Variants in YBX1 observed in about 807,000 individuals in gnomAD.
YBX1 encodes the protein Y-box-binding protein 1.
YBX1 carries 3 observed loss-of-function variants against 41.4 expected under a neutral mutation model. The ratio of observed to expected loss-of-function variants is 0.07; its 90% confidence interval spans 0.03 to 0.19. The LOEUF is 0.19. YBX1 is among the 10% of genes least tolerant of loss of function. The pLI, the probability that YBX1 is intolerant of heterozygous loss-of-function variation, is 1.00. For synonymous variants in YBX1, 133 were observed against 165.8 expected (o/e 0.80, Z 1.52); for missense variants, 274 against 462.8 (o/e 0.59, Z 3.74).
At chr1:42,688,026 G>A (rs1349220456) in intron 2 of YBX1, among the ~76,000 whole-genome samples, 3 of 152,108 alleles carry the variant, frequency 2.0e-5, no homozygotes, top group South Asian at 4.2e-4. Context: ...TTGTATGCTG[G>A]TTATATTAAC....
chr1:42,695,229 G>T (rs556276414), intron 3 of YBX1, among the ~76,000 whole-genome samples: 1 of 152,276 alleles, frequency 6.6e-6, no homozygotes, highest in South Asian at 2.1e-4. Context: ...GTTCTGGGCA[G>T]CTTCACTTAA....
chr1:42,686,251 G>C (rs1459053151), intron 2 of YBX1, among the ~76,000 whole-genome samples: 1 of 152,114 alleles, frequency 6.6e-6, no homozygotes, highest in Non-Finnish European at 1.5e-5. Context: ...TTGGAGCAGA[G>C]GTCACAAATT....
chr1:42,687,770 G>T, intron 2 of YBX1, among the ~76,000 whole-genome samples: 1 of 152,118 alleles, frequency 6.6e-6, no homozygotes, highest in East Asian at 1.9e-4. Flanking sequence ...CCTTTGGAAG[G>T]ATGTCATTAC....
At position 42,702,890 on chromosome 1, in the gene YBX1, T is replaced by C. The variant is rs924961407; in HGVS notation, c.*941T>C. On this transcript the variant is annotated 3_prime_UTR_variant, in exon 8 of 8. Coordinates refer to ENST00000321358, the MANE Select transcript of YBX1 (RefSeq NM_004559.5). ...ATGGAGGTTGGTGAGCTTGTAATTATGTGGTTCTCAACACCTTAAATCCTA... is the reference window on the plus strand; with the variant it reads ...ATGGAGGTTGGTGAGCTTGTAATTACGTGGTTCTCAACACCTTAAATCCTA... 1.3e-5 allele frequency among the ~76,000 whole-genome samples: 2 copies of C among 152,204 alleles called. No individual in the cohort carries two copies. Among genetic ancestry groups the C allele is most frequent in the African/African-American group, 4.8e-5 (2 of 41,460 alleles).
chr1:42,684,397 TCA>T (rs1189827322), intron 2 of YBX1, among the ~76,000 whole-genome samples: 1 of 152,254 alleles, frequency 6.6e-6, no homozygotes, highest in African/African-American at 2.4e-5. Flanking sequence ...AATCTTGGCC[TCA>T]CAGGTATGGT....
At chr1:42,701,409 T>A (rs1650597025) in intron 7 of YBX1, among the ~76,000 whole-genome samples, 1 of 152,162 alleles carries the variant, frequency 6.6e-6, no homozygotes. Flanking sequence ...ACATTATTAT[T>A]TATGCATTAT....
Position 42,683,243 on chromosome 1 carries a change from G to T in YBX1, c.167-160G>T, listed in dbSNP as rs1038754592. 7 of 817,080 alleles carry T rather than the reference G, an allele frequency of 8.6e-6. No homozygotes were observed. The African/African-American group carries it at 1.0e-4, about 12-fold the overall frequency. 50.6% of individuals were successfully genotyped at this position (817,080 alleles called of 1,614,324 possible). A position where few individuals can be genotyped will look rare whatever the true frequency, so the allele number is the denominator to read the frequency against. Reference sequence around the variant, plus strand: ...CTTCAGACTCACCCACGTGTGCGGCGGCGGCGGCGACTGCGTGGCCCCGCA... The same window carrying T: ...CTTCAGACTCACCCACGTGTGCGGCTGCGGCGGCGACTGCGTGGCCCCGCA... On this transcript the variant is annotated intron_variant, in intron 1 of 7. Coordinates refer to ENST00000321358, the MANE Select transcript of YBX1 (RefSeq NM_004559.5).
intron 7 of YBX1, among the ~76,000 whole-genome samples, chr1:42,701,608 G>A (rs778610958): frequency 6.6e-6 from 1 of 151,708 alleles, no homozygotes; most frequent in Non-Finnish European, 1.5e-5. Flanking sequence ...AGAATGACAC[G>A]TGGTTTATCA....
chr1:42,682,570 G>C lies in YBX1; in HGVS notation c.5G>C (p.Ser2Thr). 1.4e-6 allele frequency: 2 copies of C among 1,462,184 alleles called. No homozygotes were observed. Among genetic ancestry groups the C allele is most frequent in the Non-Finnish European group, 1.8e-6 (2 of 1,111,804 alleles). The allele number at this position is 1,462,184 out of a possible 1,614,324, so 90.6% of individuals were successfully genotyped here. Residue 2 changes from serine to threonine, a missense_variant, in exon 1 of 8, where the codon AGC becomes ACC. By Grantham distance (58) the Ser-to-Thr change is moderately conservative. This residue lies in a region of YBX1 where 84 missense variants were observed against 130.8 expected (regional missense o/e 0.64). Transcript: ENST00000321358. M[S>T]SEAETQQPPA... ...CCAGTCACCATCACCGCAACCATGA[G>C]CAGCGAGGCCGAGACCCAGCAGCCG...
chr1:42,683,901 A>G (rs530055488), intron 2 of YBX1, among the ~76,000 whole-genome samples: 1 of 152,168 alleles, frequency 6.6e-6, no homozygotes, highest in Non-Finnish European at 1.5e-5. Flanking sequence ...GGATTTGACT[A>G]TATGAGGTTT....
chr1:42,696,522 C>CGGGTGG lies in YBX1; in HGVS notation c.355-120_355-119insGGGTGG. Reference sequence around the variant, plus strand: ...GGTCACGCAGTTGCGCCCCCCCCCCCTTTTTTTTCCTTAACTTTGTTGTTT... The same window carrying CGGGTGG: ...GGTCACGCAGTTGCGCCCCCCCCCCCGGGTGGTTTTTTTTCCTTAACTTTGTTGTTT... On this transcript the variant is annotated intron_variant, in intron 4 of 7. Coordinates refer to ENST00000321358, the MANE Select transcript of YBX1 (RefSeq NM_004559.5). The surrounding 1 kb of genome is among the most constrained non-coding windows in gnomAD (Gnocchi z 5.7). The CGGGTGG allele has an allele frequency of 1.6e-6, 1 of 637,564 alleles. No homozygotes were observed. 39.5% of individuals were successfully genotyped at this position (637,564 alleles called of 1,614,324 possible).
At position 42,696,388 on chromosome 1, in the gene YBX1, G is replaced by C; in HGVS notation, c.354+100G>C. On this transcript the variant is annotated intron_variant, in intron 4 of 7. Transcript: ENST00000321358. This position sits in a 1 kb window ranked among gnomAD's most constrained non-coding sequence, Gnocchi z 5.7. ...GCTCTAATGTGGATGGATGTGTTCA[G>C]GTGACCTCATGAACACAGGTGCATC... 4.0e-6 allele frequency: 5 copies of C among 1,242,124 alleles called. No homozygotes were observed. In the South Asian group the frequency reaches 5.7e-5, roughly 14 times the overall value. 76.9% of individuals were successfully genotyped at this position (1,242,124 alleles called of 1,614,324 possible). A position where few individuals can be genotyped will look rare whatever the true frequency, so the allele number is the denominator to read the frequency against.
intron 2 of YBX1, among the ~76,000 whole-genome samples, chr1:42,685,651 G>A (rs184308683): frequency 2.2e-4 from 33 of 152,354 alleles, no homozygotes; most frequent in African/African-American, 7.2e-4. Context: ...CTGTATAAAG[G>A]AGAGGGTGCA....
chr1:42,699,081 T>C (rs536142589), intron 6 of YBX1, among the ~76,000 whole-genome samples: 1 of 152,280 alleles, frequency 6.6e-6, no homozygotes, highest in South Asian at 2.1e-4. Flanking sequence ...AAATAACATT[T>C]ATAGGCTGAA....
chr1:42,695,804 C>T (rs1360926213), intron 3 of YBX1, among the ~76,000 whole-genome samples: 2 of 152,238 alleles, frequency 1.3e-5, no homozygotes, highest in African/African-American at 4.8e-5. Flanking sequence ...AAACCAAACT[C>T]GCCTGTCATC....
chr1:42,684,350 A>G (rs1650138875), intron 2 of YBX1, among the ~76,000 whole-genome samples: 1 of 152,228 alleles, frequency 6.6e-6, no homozygotes, highest in Non-Finnish European at 1.5e-5. Context: ...TAGTAGTGCT[A>G]GTTACATGGG....
chr1:42,683,265 C>G (rs747609882), intron 1 of YBX1, 138 bp from the exon 2 acceptor site: 5 of 1,018,844 alleles, frequency 4.9e-6, no homozygotes, highest in Admixed American at 3.8e-5. Context: ...TGCGTGGCCC[C>G]GCACCCGGGC....
At chr1:42,685,688 T>C (rs2148735417) in intron 2 of YBX1, among the ~76,000 whole-genome samples, 1 of 152,328 alleles carries the variant, frequency 6.6e-6, no homozygotes, top group South Asian at 2.1e-4. Flanking sequence ...TTGTGACGAC[T>C]TTTAATTGGG....
chr1:42,685,944 G>T (rs1012779006), intron 2 of YBX1, among the ~76,000 whole-genome samples: 7 of 152,184 alleles, frequency 4.6e-5, no homozygotes, highest in Admixed American at 4.6e-4. Flanking sequence ...AAAAATAGCA[G>T]AAGTTTTGGC....
Sources: allele counts gnomAD v4.1 joint callset (sites outside exome capture counted in the v4.1 genomes callset), GRCh38; gene constraint gnomAD v4.1.1; regional missense constraint gnomAD v4.1.1; non-coding constraint Gnocchi (gnomAD v3.1); transcripts MANE v1.5; gene names NCBI Gene and HGNC (gene_info 2026-07-23, HGNC 2026-07-21).